Variants in MTOR observed in about 807,000 individuals in gnomAD.
The protein encoded by MTOR is serine/threonine-protein kinase mTOR.
Under a neutral mutation model 319.8 loss-of-function variants are expected in MTOR, and 70 were observed. That is an observed-to-expected ratio of 0.22 (90% CI 0.18 to 0.27). MTOR has a LOEUF of 0.27. MTOR is among the 10% of genes least tolerant of loss of function. MTOR has a pLI of 1.00. For synonymous variants in MTOR, 1,183 were observed against 1,211.4 expected (o/e 0.98, Z 0.49); for missense variants, 1,890 against 3,274.4 (o/e 0.58, Z 10.32).
chr1:11,156,342 A>G (rs1054197604), intron 30 of MTOR, among the ~76,000 whole-genome samples: 4 of 152,172 alleles, frequency 2.6e-5, no homozygotes, highest in African/African-American at 7.2e-5. Context: ...ATAGTATAGC[A>G]TTTTATTTTA....
chr1:11,244,603 C>T (rs966642117), intron 8 of MTOR, among the ~76,000 whole-genome samples: 2 of 152,212 alleles, frequency 1.3e-5, no homozygotes, highest in East Asian at 1.9e-4. Flanking sequence ...TGCACTCCAG[C>T]CTGGGCAACA....
chr1:11,193,474 C>A, intron 28 of MTOR: 2 of 1,008,506 alleles, frequency 2.0e-6, no homozygotes, highest in Non-Finnish European at 2.9e-6. Context: ...CGGGAGTGCA[C>A]ACATCTACTG....
chr1:11,208,260 G>A (rs1646202777), intron 25 of MTOR, among the ~76,000 whole-genome samples: 1 of 152,222 alleles, frequency 6.6e-6, no homozygotes, highest in South Asian at 2.1e-4. Flanking sequence ...CATCACTCCT[G>A]ACCCAGGAAT....
Position 11,129,227 on chromosome 1 carries a change from A to G in MTOR, c.5715-276T>C, listed in dbSNP as rs913605166. Among the ~76,000 whole-genome samples, 2 of 152,200 alleles carry G rather than the reference A, an allele frequency of 1.3e-5. No individual in the cohort carries two copies. Among genetic ancestry groups the G allele is most frequent in the Non-Finnish European group, 2.9e-5 (2 of 68,036 alleles). On this transcript the variant is annotated intron_variant, in intron 40 of 57. Coordinates refer to ENST00000361445, the MANE Select transcript of MTOR (RefSeq NM_004958.4). This position sits in a 1 kb window ranked among gnomAD's most constrained non-coding sequence, Gnocchi z 4.7. ...AAACATCAAACAGACGAGCCAGGAT[A>G]ACCTTTAGAAAGCCACAAGTCTGCA... is the stretch of plus-strand genomic sequence containing the variant.
At chr1:11,218,282 T>C (rs1437244568) in intron 19 of MTOR, among the ~76,000 whole-genome samples, 2 of 151,824 alleles carry the variant, frequency 1.3e-5, no homozygotes, top group Non-Finnish European at 2.9e-5. Context: ...ATACAAAATT[T>C]AGCTGGGCAT....
intron 34 of MTOR, among the ~76,000 whole-genome samples, chr1:11,141,471 C>A (rs369363306): frequency 6.6e-6 from 1 of 151,970 alleles, no homozygotes; most frequent in South Asian, 2.1e-4. Flanking sequence ...AAGGTTCAAG[C>A]GATTCTTCTG....
intron 5 of MTOR, 95 bp from the exon 6 acceptor site, chr1:11,254,068 T>C (rs2100967375): frequency 6.9e-7 from 1 of 1,447,054 alleles, no homozygotes; most frequent in Non-Finnish European, 9.6e-7. Context: ...TCTGAGGTGC[T>C]ACCACGCCTG....
In MTOR at chr1:11,134,899, C is replaced by T. The variant is rs1368064050; in HGVS notation, c.5131-433G>A. Reference sequence around the variant, plus strand: ...CACCAGGGTACCTTGGACAGTCCAGCGGAGCAAAAACTATGGATTTAAAAA... The same window carrying T: ...CACCAGGGTACCTTGGACAGTCCAGTGGAGCAAAAACTATGGATTTAAAAA... On this transcript the variant is annotated intron_variant, in intron 36 of 57. Coordinates refer to ENST00000361445, the MANE Select transcript of MTOR (RefSeq NM_004958.4). Among the ~76,000 whole-genome samples the T allele has an allele frequency of 3.3e-5, 5 of 152,210 alleles. No homozygotes were observed. The South Asian group carries it at 6.2e-4, about 19-fold the overall frequency.
rs147449542 is a variant in MTOR at position 11,119,321 on chromosome 1, C to T, written c.6933+1925G>A. 6.6e-3 allele frequency among the ~76,000 whole-genome samples: 1,009 copies of T among 151,770 alleles called. 5 individuals carry two copies. The highest frequency in any genetic ancestry group is 0.012 in the Non-Finnish European group (792 of 67,926). On this transcript the variant is annotated intron_variant, in intron 49 of 57. Transcript: ENST00000361445. ...GTGGCTCCCGCCTGTAATCCCAGCA[C>T]TTTGAGAGGCTGAGGCGGGCGGATC... is the stretch of plus-strand genomic sequence containing the variant.
At chr1:11,226,550 G>T (rs2100844431) in intron 19 of MTOR, among the ~76,000 whole-genome samples, 1 of 151,032 alleles carries the variant, frequency 6.6e-6, no homozygotes, top group South Asian at 2.1e-4. Context: ...CAGTGCTTTG[G>T]GAGGCCAAGG....
intron 16 of MTOR, among the ~76,000 whole-genome samples, chr1:11,232,174 T>C (rs182940001): frequency 1.3e-4 from 20 of 152,350 alleles, no homozygotes; most frequent in Admixed American, 5.2e-4. Flanking sequence ...GCTCTGACAA[T>C]TGACCTGCAT....
At chr1:11,162,488 T>A (rs1160315469) in intron 29 of MTOR, among the ~76,000 whole-genome samples, 3 of 152,112 alleles carry the variant, frequency 2.0e-5, no homozygotes, top group African/African-American at 7.2e-5. Flanking sequence ...ATTGTCAGAT[T>A]CACCAAAGGT....
At chr1:11,188,684 G>A (rs150044895) in intron 28 of MTOR, among the ~76,000 whole-genome samples, 1 of 152,316 alleles carries the variant, frequency 6.6e-6, no homozygotes, top group African/African-American at 2.4e-5. Flanking sequence ...TCTCTTTGTT[G>A]AAGGAGAAAG....
chr1:11,132,863 T>C (rs1194583621), intron 38 of MTOR: 1 of 538,328 alleles, frequency 1.9e-6, no homozygotes, highest in African/African-American at 1.9e-5. Flanking sequence ...ATAATAATGG[T>C]GTAACAAGTA....
chr1:11,168,786 A>C (rs770803549), intron 28 of MTOR, among the ~76,000 whole-genome samples: 1 of 152,232 alleles, frequency 6.6e-6, no homozygotes, highest in Non-Finnish European at 1.5e-5. Context: ...GGAGGCCTTG[A>C]AAACAGAGTA....
chr1:11,170,157 C>T (rs1159332315), intron 28 of MTOR, among the ~76,000 whole-genome samples: 2 of 152,284 alleles, frequency 1.3e-5, no homozygotes, highest in African/African-American at 4.8e-5. Flanking sequence ...AGTGAAACCA[C>T]GGCATGATGG....
At chr1:11,234,825 A>T (rs1647143167) in intron 13 of MTOR, among the ~76,000 whole-genome samples, 2 of 152,102 alleles carry the variant, frequency 1.3e-5, no homozygotes, top group Non-Finnish European at 2.9e-5. Context: ...AGCCTTACTG[A>T]CTGGAGATAA....
At chr1:11,141,767 A>T (rs1643718171) in intron 34 of MTOR, among the ~76,000 whole-genome samples, 1 of 149,700 alleles carries the variant, frequency 6.7e-6, no homozygotes, top group Admixed American at 6.6e-5. Context: ...TGGGGGGATC[A>T]CAAGGTCAGG....
chr1:11,232,594 G>T, intron 15 of MTOR, 66 bp from the exon 16 acceptor site: 1 of 1,399,400 alleles, frequency 7.1e-7, no homozygotes, highest in Non-Finnish European at 1.0e-6. Context: ...TATTTTGGAG[G>T]CCGGGCACGG....
Sources: gnomAD v4.1 joint callset for allele counts (sites outside exome capture counted in the v4.1 genomes callset) on GRCh38, gnomAD v4.1.1 for gene constraint, Gnocchi (gnomAD v3.1) non-coding constraint, MANE v1.5 for transcripts, NCBI Gene and HGNC (gene_info 2026-07-23, HGNC 2026-07-21) for gene names.